The following WWC2 variants were observed in gnomAD, a reference collection of about 807,000 sequenced individuals.
WWC2 encodes WW and C2 domain containing 2.
WWC2 carries 101 observed loss-of-function variants against 138.5 expected under a neutral mutation model. The observed-to-expected ratio is 0.73, with a 90% CI of 0.62 to 0.86. The LOEUF (loss-of-function observed/expected upper bound fraction) is 0.86. WWC2 is among the 40% of genes least tolerant of loss of function. The probability of loss-of-function intolerance (pLI) is 0.00; values close to 1 mark genes in which losing one functional copy is unlikely to be tolerated. For missense variants in WWC2, 1,420 were observed against 1,419.4 expected (o/e 1.00, Z -0.01); for synonymous variants, 558 against 538.4 (o/e 1.04, Z -0.50).
At chr4:183,165,875 C>G (rs1475970611) in intron 1 of WWC2, among the ~76,000 whole-genome samples, 2 of 152,208 alleles carry the variant, frequency 1.3e-5, no homozygotes, top group Non-Finnish European at 2.9e-5. Context: ...ATAAGACTTT[C>G]TGTCATAGTA....
chr4:183,263,751 AC>A (rs763794615), intron 11 of WWC2, among the ~76,000 whole-genome samples: 1 of 152,242 alleles, frequency 6.6e-6, no homozygotes, highest in East Asian at 1.9e-4. Flanking sequence ...CAGGAGTGAG[AC>A]CTTGTCTCAA....
chr4:183,253,790 G>A lies in WWC2; in HGVS notation c.987G>A (p.Leu329=). ...MANLKIELSK[L]DSEAWPGALD... is the part of the protein sequence containing the mutation. Reference sequence around the variant, plus strand: ...ACTTAAAAATTGAACTGTCAAAATTGGACAGTGAGGCCTGGCCTGGGGCAC... The same window carrying A: ...ACTTAAAAATTGAACTGTCAAAATTAGACAGTGAGGCCTGGCCTGGGGCAC... Residue 329 remains leucine, a synonymous_variant, in exon 9 of 23, where the codon TTG becomes TTA. Coordinates refer to ENST00000403733, the MANE Select transcript of WWC2 (RefSeq NM_024949.6). 6.2e-7 allele frequency: 1 copy of A among 1,612,966 alleles called. No individual in the cohort carries two copies. The highest frequency in any genetic ancestry group is 1.1e-5 in the South Asian group (1 of 90,966).
chr4:183,301,569 A>G (rs1560894870), intron 21 of WWC2, among the ~76,000 whole-genome samples: 1 of 152,248 alleles, frequency 6.6e-6, no homozygotes. Flanking sequence ...TTAGCTTTCC[A>G]TAAAGTAGTG....
intron 1 of WWC2, among the ~76,000 whole-genome samples, chr4:183,113,821 A>C (rs954871064): frequency 6.6e-6 from 1 of 150,880 alleles, no homozygotes; most frequent in Non-Finnish European, 1.5e-5. Context: ...CAGAGCTTGC[A>C]CTAGAATGAT....
chr4:183,130,016 G>A (rs989150093), intron 1 of WWC2, among the ~76,000 whole-genome samples: 67 of 151,036 alleles, frequency 4.4e-4, no homozygotes, highest in African/African-American at 1.6e-3. Flanking sequence ...GTAAGCGTAT[G>A]CTCTTATTTG....
intron 1 of WWC2, among the ~76,000 whole-genome samples, chr4:183,162,718 C>T (rs1222893986): frequency 6.6e-6 from 1 of 152,112 alleles, no homozygotes; most frequent in African/African-American, 2.4e-5. Flanking sequence ...TTCAGCCATT[C>T]TTCTTACCCC....
chr4:183,262,356 C>G (rs571299088), intron 11 of WWC2, among the ~76,000 whole-genome samples: 7 of 152,184 alleles, frequency 4.6e-5, no homozygotes, highest in Non-Finnish European at 8.8e-5. Flanking sequence ...TACAGCTGTC[C>G]TGTTCACAGC....
chr4:183,166,763 A>G (rs899120714), intron 1 of WWC2, among the ~76,000 whole-genome samples: 3 of 152,206 alleles, frequency 2.0e-5, no homozygotes, highest in Non-Finnish European at 2.9e-5. Context: ...TATAACTAGA[A>G]GGTAGTCAAT....
intron 16 of WWC2, among the ~76,000 whole-genome samples, chr4:183,276,647 A>G (rs1018786845): frequency 6.6e-6 from 1 of 151,994 alleles, no homozygotes; most frequent in Non-Finnish European, 1.5e-5. Flanking sequence ...TGTTTCATTG[A>G]CAGTTAGTAT....
intron 14 of WWC2, 42 bp from the exon 15 acceptor site, chr4:183,268,929 T>C (rs1224642408): frequency 3.9e-6 from 6 of 1,548,242 alleles, no homozygotes; most frequent in Non-Finnish European, 5.3e-6. Flanking sequence ...TCTGGTATAA[T>C]TAAAGTACCT....
chr4:183,161,722 A>G (rs935437344), intron 1 of WWC2, among the ~76,000 whole-genome samples: 15 of 152,326 alleles, frequency 9.8e-5, no homozygotes, highest in African/African-American at 3.6e-4. Flanking sequence ...ATCATGCTGT[A>G]CATGTTTGCA....
At chr4:183,314,514 G>A (rs1739369808) in intron 22 of WWC2, among the ~76,000 whole-genome samples, 1 of 152,212 alleles carries the variant, frequency 6.6e-6, no homozygotes, top group Admixed American at 6.5e-5. Flanking sequence ...GGCCTGGGGT[G>A]GTGAGATCAG....
At chr4:183,264,814 T>G (rs1737440148) in intron 11 of WWC2, among the ~76,000 whole-genome samples, 164 bp from the exon 12 acceptor site, 1 of 152,242 alleles carries the variant, frequency 6.6e-6, no homozygotes, top group African/African-American at 2.4e-5. Flanking sequence ...TTATAAGTCA[T>G]AGTGCCTTGA....
Position 183,120,558 on chromosome 4 carries a change from A to G in WWC2, c.131+20936A>G, listed in dbSNP as rs191950137. ...ATGTGTATACTGCACTGTTTTACAC[A>G]TTTAATTTAAATGAAAATTCCCTTT... On this transcript the variant is annotated intron_variant, in intron 1 of 22. Coordinates refer to ENST00000403733, the MANE Select transcript of WWC2 (RefSeq NM_024949.6). Among the ~76,000 whole-genome samples the G allele has an allele frequency of 1.5e-3, 235 of 152,328 alleles. 2 individuals carry two copies. Among genetic ancestry groups the G allele is most frequent in the African/African-American group, 5.2e-3 (216 of 41,588 alleles).
At chr4:183,148,149 A>T (rs1038185132) in intron 1 of WWC2, among the ~76,000 whole-genome samples, 1 of 152,216 alleles carries the variant, frequency 6.6e-6, no homozygotes, top group Non-Finnish European at 1.5e-5. Flanking sequence ...TTAGGAACGC[A>T]CGTTTTCCCC....
chr4:183,214,399 G>A (rs570336852), intron 4 of WWC2, among the ~76,000 whole-genome samples: 46 of 152,272 alleles, frequency 3.0e-4, no homozygotes, highest in Non-Finnish European at 6.0e-4. Context: ...TTAAGGTTCA[G>A]TTTGTAACTG....
intron 4 of WWC2, among the ~76,000 whole-genome samples, chr4:183,237,805 G>A (rs1736474028): frequency 6.6e-6 from 1 of 152,098 alleles, no homozygotes; most frequent in Non-Finnish European, 1.5e-5. Flanking sequence ...TCTTTGTCAC[G>A]TTGTTCCTCA....
At chr4:183,128,368 G>A (rs1482890480) in intron 1 of WWC2, among the ~76,000 whole-genome samples, 1 of 151,920 alleles carries the variant, frequency 6.6e-6, no homozygotes, top group Non-Finnish European at 1.5e-5. Context: ...ACAAAAATTA[G>A]CCAGGTGTGG....
At chr4:183,111,188 G>A (rs954014524) in intron 1 of WWC2, among the ~76,000 whole-genome samples, 5 of 152,066 alleles carry the variant, frequency 3.3e-5, no homozygotes, top group African/African-American at 4.8e-5. Context: ...TGCAGTGAGC[G>A]GAGATTGCAC....
Sources: gnomAD v4.1 joint callset for allele counts (sites outside exome capture counted in the v4.1 genomes callset) on GRCh38, gnomAD v4.1.1 for gene constraint, MANE v1.5 for transcripts, NCBI Gene and HGNC (gene_info 2026-07-23, HGNC 2026-07-21) for gene names.